The following ERN2 variants were observed in gnomAD, a reference collection of about 807,000 sequenced individuals.
ERN2 encodes the protein endoplasmic reticulum to nucleus signaling 2.
Under a neutral mutation model 107.9 loss-of-function variants are expected in ERN2, and 111 were observed. That is an observed-to-expected ratio of 1.03 (90% CI 0.88 to 1.20). The LOEUF (loss-of-function observed/expected upper bound fraction) is 1.20. Among genes scored for constraint, ERN2 ranks in the 50% most tolerant of loss-of-function variants. ERN2 has a pLI of 0.00. For synonymous variants in ERN2, 524 were observed against 501.7 expected (o/e 1.04, Z -0.59); for missense variants, 1,225 against 1,197.9 (o/e 1.02, Z -0.33).
intron 20 of ERN2, 48 bp downstream of exon 20, chr16:23,691,254 A>G (rs1327817316): frequency 1.2e-6 from 2 of 1,612,014 alleles, no homozygotes; most frequent in Non-Finnish European, 8.5e-7. Context: ...TCCACCGCCC[A>G]GGCCCACTCC....
At chr16:23,693,268 C>T (rs1274364082) in intron 17 of ERN2, among the ~76,000 whole-genome samples, 1 of 151,318 alleles carries the variant, frequency 6.6e-6, no homozygotes, top group African/African-American at 2.4e-5. Context: ...CACTCCATGA[C>T]AGAGCAAGAC....
intron 18 of ERN2, 26 bp from the exon 19 acceptor site, chr16:23,692,116 A>G (rs770134766): frequency 6.2e-6 from 10 of 1,613,500 alleles, no homozygotes; most frequent in Non-Finnish European, 8.5e-6. Flanking sequence ...GGAGGAGGAG[A>G]GTCTGCTTCA....
intron 4 of ERN2, among the ~76,000 whole-genome samples, chr16:23,708,059 C>T (rs1960395346): frequency 6.6e-6 from 1 of 152,182 alleles, no homozygotes; most frequent in Non-Finnish European, 1.5e-5. Flanking sequence ...TCACAAAGTC[C>T]TCACGGGCTG....
At chr16:23,695,779 A>T in intron 14 of ERN2, 115 bp downstream of exon 14, 1 of 582,064 alleles carries the variant, frequency 1.7e-6, no homozygotes. Flanking sequence ...CTGGCGAGTG[A>T]GGGATCAACC....
chr16:23,713,165 G>T lies in ERN2; in HGVS notation c.23C>A (p.Ser8Ter). The T allele has an allele frequency of 6.4e-7, 1 of 1,574,508 alleles. No individual in the cohort carries two copies. Among genetic ancestry groups the T allele is most frequent in the Non-Finnish European group, 8.6e-7 (1 of 1,166,390 alleles). MASAVRG[S>*]RPWPRLGLQL... ...GAGCCCCAGCCGGGGCCACGGCCTC[G>T]ACCCCCTGACCGCACTCGCCATAGC... The change falls in exon 1 of 22, where the codon TCG (serine) becomes TAG (stop). Residue 8 changes from serine (S) to a stop codon, truncating the protein, a stop_gained. Coordinates refer to ENST00000256797, the MANE Select transcript of ERN2 (RefSeq NM_033266.4). LOFTEE classifies it high-confidence loss of function.
intron 5 of ERN2, 64 bp downstream of exon 5, chr16:23,706,943 T>A: frequency 6.3e-7 from 1 of 1,582,586 alleles, no homozygotes; most frequent in South Asian, 1.1e-5. Flanking sequence ...TAATTAGCCG[T>A]CACGACTTAG....
In ERN2 at chr16:23,713,109, T is replaced by C; in HGVS notation, c.79A>G (p.Thr27Ala). The C allele has an allele frequency of 6.3e-7, 1 of 1,577,374 alleles. No homozygotes were observed. Among genetic ancestry groups the C allele is most frequent in the Non-Finnish European group, 8.6e-7 (1 of 1,167,554 alleles). The change falls in exon 1 of 22, where the codon ACG (threonine) becomes GCG (alanine). Residue 27 changes from threonine (T) to alanine (A), a missense_variant. Thr to Ala is a moderately conservative substitution (Grantham distance 58, BLOSUM62 0). Coordinates refer to ENST00000256797, the MANE Select transcript of ERN2 (RefSeq NM_033266.4). ...QLQFAALLLG[T>A]LSPQVHTLRP... is the part of the protein sequence containing the mutation. ...CTGGCTCTCACCTGTGGACTCAGCG[T>C]CCCGAGCAGCAGCGCCGCGAACTGG...
At chr16:23,712,073 G>A (rs753179802) in intron 1 of ERN2, 8 of 452,000 alleles carry the variant, frequency 1.8e-5, no homozygotes, top group East Asian at 1.4e-4. Context: ...TGGCCCAGCC[G>A]CACCCCTACA....
intron 6 of ERN2, 40 bp from the exon 7 acceptor site, chr16:23,706,471 T>G: frequency 7.0e-7 from 1 of 1,433,326 alleles, no homozygotes; most frequent in Non-Finnish European, 9.6e-7. Context: ...AACGTCCATT[T>G]GATGCTCCCT....
At position 23,711,009 on chromosome 16, in the gene ERN2, G is replaced by T; in HGVS notation, c.103C>A (p.Leu35Ile). Residue 35 changes from leucine (L) to isoleucine (I), a missense_variant, in exon 2 of 22, where the codon CTC becomes ATC. Leu to Ile is a conservative substitution (Grantham distance 5). Transcript: ENST00000256797. The part of the protein sequence containing the change: ...LGTLSPQVHT[L>I]RPENLLLVST... ...ACCAGCAGGAGGTTCTCTGGCCTGA[G>T]AGTATGAACCTGCAAGGGGGTAGAG... The T allele has an allele frequency of 6.2e-7, 1 of 1,613,350 alleles. No individual in the cohort carries two copies. Among genetic ancestry groups the T allele is most frequent in the Non-Finnish European group, 8.5e-7 (1 of 1,179,294 alleles).
At chr16:23,692,503 T>C (rs762629411) in intron 17 of ERN2, among the ~76,000 whole-genome samples, 172 bp from the exon 18 acceptor site, 12 of 152,110 alleles carry the variant, frequency 7.9e-5, no homozygotes, top group Non-Finnish European at 1.5e-4. Context: ...TACACTACTA[T>C]AGGGGGCCCA....
At chr16:23,710,311 T>C in intron 3 of ERN2, 67 bp from the exon 4 acceptor site, 1 of 1,381,358 alleles carries the variant, frequency 7.2e-7, no homozygotes, top group Non-Finnish European at 1.0e-6. Context: ...AGGCCCCAAA[T>C]TCCTTCCAAT....
intron 7 of ERN2, 101 bp from the exon 8 acceptor site, chr16:23,705,248 A>C: frequency 1.1e-5 from 14 of 1,285,074 alleles, no homozygotes; most frequent in Non-Finnish European, 1.3e-5. Context: ...TGTGGAGATC[A>C]CATGGAGGGT....
chr16:23,712,700 G>A (rs572126242), intron 1 of ERN2: 18 of 193,692 alleles, frequency 9.3e-5, no homozygotes, highest in Admixed American at 1.2e-4. Context: ...TTGCAAAACT[G>A]GGCGTGCAGG....
rs1018209888 is a variant in ERN2, at chr16:23,705,044, G to T, written c.693C>A (p.Gly231=). 6.2e-7 allele frequency: 1 copy of T among 1,613,900 alleles called. No homozygotes were observed. Among genetic ancestry groups the T allele is most frequent in the Non-Finnish European group, 8.5e-7 (1 of 1,179,990 alleles). ...GGCCGTCCTGGTGCCAGGTGTAGAC[G>T]CCCATCACAGGCACGCCCAGGTCCT... ...WTQDLGVPVM[G]VYTWHQDGLR... The change falls in exon 8 of 22, where the codon GGC becomes GGA. Residue 231 remains glycine (G), a synonymous_variant. Transcript: ENST00000256797.
chr16:23,701,190 C>T (rs1179698483), intron 11 of ERN2, 76 bp from the exon 12 acceptor site: 4 of 1,488,380 alleles, frequency 2.7e-6, no homozygotes, highest in Non-Finnish European at 3.6e-6. Flanking sequence ...TCACCCAGCA[C>T]AGAGCTGGGC....
chr16:23,694,446 G>A (rs1338716269), intron 17 of ERN2, among the ~76,000 whole-genome samples: 2 of 152,186 alleles, frequency 1.3e-5, no homozygotes, highest in Non-Finnish European at 2.9e-5. Flanking sequence ...AAGACATTTA[G>A]CAGCATTTCC....
chr16:23,709,122 C>T, intron 4 of ERN2: 1 of 452,412 alleles, frequency 2.2e-6, no homozygotes, highest in Admixed American at 2.4e-5. Flanking sequence ...GCAGGCTTCC[C>T]CTGACATGGT....
intron 17 of ERN2, among the ~76,000 whole-genome samples, chr16:23,694,113 AGC>A (rs1327653129): frequency 2.0e-5 from 3 of 152,068 alleles, no homozygotes; most frequent in African/African-American, 7.2e-5. Context: ...CTCCCACCTC[AGC>A]CTCCCAAGTA....
Sources: allele counts gnomAD v4.1 joint callset (sites outside exome capture counted in the v4.1 genomes callset), GRCh38; gene constraint gnomAD v4.1.1; transcripts MANE v1.5; gene names NCBI Gene and HGNC (gene_info 2026-07-23, HGNC 2026-07-21).